The following RSF1 variants were observed in gnomAD, a reference collection of about 807,000 sequenced individuals.
RSF1 encodes HBV pX-associated protein 8.
In RSF1, 13 loss-of-function variants were observed where a neutral mutation model predicts 145.2. The ratio of observed to expected loss-of-function variants is 0.09; its 90% CI spans 0.06 to 0.14. RSF1 has a LOEUF of 0.14. Ranked by LOEUF, RSF1 falls within the 10% of genes least tolerant of loss-of-function variation. The probability of loss-of-function intolerance (pLI) is 1.00; values close to 1 mark genes in which losing one functional copy is unlikely to be tolerated. For synonymous variants in RSF1, 577 were observed against 592.6 expected, an observed-to-expected ratio of 0.97 and a Z score of 0.38; for missense variants, 1,517 against 1,718.2, an observed-to-expected ratio of 0.88 and a Z score of 2.07.
chr11:77,735,047 G>A, intron 4 of RSF1: 1 of 1,367,434 alleles, frequency 7.3e-7, no homozygotes, highest in Non-Finnish European at 1.0e-6. Context: ...AAGGAGAGGT[G>A]GCGGCGGTGG....
chr11:77,796,828 A>G (rs745902606), intron 1 of RSF1, among the ~76,000 whole-genome samples: 4 of 152,228 alleles, frequency 2.6e-5, no homozygotes, highest in Non-Finnish European at 5.9e-5. Context: ...CTATAAAATC[A>G]ATGTGCAAAA....
At chr11:77,728,744 T>A (rs1004395419) in intron 4 of RSF1, among the ~76,000 whole-genome samples, 2 of 151,948 alleles carry the variant, frequency 1.3e-5, no homozygotes, top group Non-Finnish European at 2.9e-5. Context: ...ACAGAAAGAT[T>A]GGTGGTTGTT....
intron 14 of RSF1, 42 bp downstream of exon 14, chr11:77,674,994 A>C: frequency 2.0e-6 from 3 of 1,492,164 alleles, no homozygotes; most frequent in Non-Finnish European, 2.7e-6. Context: ...AAAAACAAAA[A>C]ATAATTTATT....
At chr11:77,693,168 T>A (rs2135842298) in intron 8 of RSF1, among the ~76,000 whole-genome samples, 1 of 152,166 alleles carries the variant, frequency 6.6e-6, no homozygotes, top group African/African-American at 2.4e-5. Flanking sequence ...ACAAAGTAGG[T>A]AGAAACCAAA....
chr11:77,672,087 T>C lies in RSF1; in HGVS notation c.3706A>G (p.Ile1236Val), dbSNP rs372494944. ...AGTCTTCGCTTGTGTACTCGCCTTA[T>C]TTCTTTACCACGTCGCAAACTCTTC... The part of the protein sequence containing the change: ...SQKSLRRGKE[I>V]RRVHKRRLSS... The change falls in exon 15 of 16, where the codon ATA (isoleucine) becomes GTA (valine). Residue 1236 changes from isoleucine (I) to valine (V), a missense_variant. By Grantham distance (29) the Ile-to-Val change is conservative. This residue lies in a region of RSF1 where 240 missense variants were observed against 231.8 expected (regional missense o/e 1.04). Transcript: ENST00000308488. 4 of 1,614,110 alleles carry C rather than the reference T, an allele frequency of 2.5e-6. No homozygotes were observed. The highest frequency in any genetic ancestry group is 3.4e-6 in the Non-Finnish European group (4 of 1,180,018).
At position 77,661,436 on chromosome 11, in the gene RSF1, G is replaced by GAT. The variant is rs1454067669; in HGVS notation, c.*5479_*5480dup. On this transcript the variant is annotated 3_prime_UTR_variant, in exon 16 of 16. Coordinates refer to ENST00000308488, the MANE Select transcript of RSF1 (RefSeq NM_016578.4). ...AAAATCCATTTACTAATATAAGCTA[G>GAT]ATGTGTGTGTGTGTGTGTGTGTGTG... 1.3e-5 allele frequency: 2 copies of GAT among 148,882 alleles called. No homozygotes were observed. Among genetic ancestry groups the GAT allele is most frequent in the South Asian group, 2.1e-4 (1 of 4,772 alleles). 9.2% of individuals were successfully genotyped at this position (148,882 alleles called of 1,614,324 possible).
At chr11:77,849,365 G>C in the RSF1 span, among the ~76,000 whole-genome samples, 1 of 152,104 alleles carries the variant, frequency 6.6e-6, no homozygotes, top group African/African-American at 2.4e-5. Flanking sequence ...GGGATTACTG[G>C]TGTGTGTGAC....
At chr11:77,870,486 A>G in the RSF1 span, among the ~76,000 whole-genome samples, 1 of 151,054 alleles carries the variant, frequency 6.6e-6, no homozygotes, top group African/African-American at 2.4e-5. Flanking sequence ...ACAGGCGCCC[A>G]CCACCACGCC....
intron 5 of RSF1, among the ~76,000 whole-genome samples, chr11:77,704,657 C>T (rs1960500628): frequency 6.6e-6 from 1 of 152,080 alleles, no homozygotes; most frequent in African/African-American, 2.4e-5. Context: ...AATAAAGCAG[C>T]TGGACTAAAT....
intron 4 of RSF1, among the ~76,000 whole-genome samples, chr11:77,738,188 G>C (rs1291089379): frequency 6.6e-6 from 1 of 152,004 alleles, no homozygotes; most frequent in Non-Finnish European, 1.5e-5. Flanking sequence ...AAAGAGAAAA[G>C]GTTTATTGAG....
At chr11:77,678,033 G>A in intron 12 of RSF1, 53 bp downstream of exon 12, 1 of 1,374,896 alleles carries the variant, frequency 7.3e-7, no homozygotes, top group Non-Finnish European at 1.0e-6. Flanking sequence ...TTGGGCACCT[G>A]AATGAACTTC....
At chr11:77,842,896 G>A in the RSF1 span, among the ~76,000 whole-genome samples, 3 of 152,274 alleles carry the variant, frequency 2.0e-5, no homozygotes, top group African/African-American at 7.2e-5. Context: ...ACCTCAGAAA[G>A]GAACCACATA....
chr11:77,865,478 C>T, the RSF1 span, among the ~76,000 whole-genome samples: 1 of 152,184 alleles, frequency 6.6e-6, no homozygotes, highest in Non-Finnish European at 1.5e-5. Flanking sequence ...AGAAGAAAAG[C>T]TCATGCCAAA....
intron 9 of RSF1, among the ~76,000 whole-genome samples, chr11:77,689,381 C>A (rs1960091143): frequency 6.6e-6 from 1 of 152,176 alleles, no homozygotes; most frequent in Non-Finnish European, 1.5e-5. Context: ...CACAATTTGG[C>A]CTTACTCAGC....
At chr11:77,690,072 A>C (rs1378200158) in intron 9 of RSF1, among the ~76,000 whole-genome samples, 1 of 151,794 alleles carries the variant, frequency 6.6e-6, no homozygotes, top group East Asian at 1.9e-4. Context: ...TGAGGCAAAA[A>C]AATCACTTGA....
In RSF1 at chr11:77,676,898, T is replaced by G. The variant is rs1325842818; in HGVS notation, c.3235A>C (p.Arg1079=). 2 of 1,614,176 alleles carry G rather than the reference T, an allele frequency of 1.2e-6. No homozygotes were observed. The highest frequency in any genetic ancestry group is 1.3e-5 in the African/African-American group (1 of 75,042). The change falls in exon 13 of 16, where the codon AGG becomes CGG. Residue 1079 remains arginine (R), a synonymous_variant. Transcript: ENST00000308488. ...EERKENKRPQ[R]AAAARRKKRR... is the part of the protein sequence containing the mutation. ...TTCTTCCTTCGAGCAGCAGCTGCCC[T>G]CTGGGGTCGTTTATTTTCTTTTCTT...
At chr11:77,797,394 A>C (rs1948583421) in intron 1 of RSF1, among the ~76,000 whole-genome samples, 1 of 152,234 alleles carries the variant, frequency 6.6e-6, no homozygotes, top group Admixed American at 6.5e-5. Flanking sequence ...CAAACCTGAC[A>C]CAAACAAGTA....
At chr11:77,725,506 A>G in intron 5 of RSF1, 39 bp downstream of exon 5, 5 of 1,467,718 alleles carry the variant, frequency 3.4e-6, no homozygotes, top group Non-Finnish European at 4.5e-6. Flanking sequence ...TATGGAAGAG[A>G]TTACAAAACA....
chr11:77,734,094 A>C (rs2135899663), intron 4 of RSF1, among the ~76,000 whole-genome samples: 1 of 152,284 alleles, frequency 6.6e-6, no homozygotes, highest in South Asian at 2.1e-4. Context: ...ACCTGTTATA[A>C]TACTTGATTG....
Sources: allele counts gnomAD v4.1 joint callset (sites outside exome capture counted in the v4.1 genomes callset), GRCh38; gene constraint gnomAD v4.1.1; regional missense constraint gnomAD v4.1.1; transcripts MANE v1.5; gene names NCBI Gene and HGNC (gene_info 2026-07-23, HGNC 2026-07-21).